The following KCTD3 variants were observed in gnomAD, a reference collection of about 807,000 sequenced individuals.
The protein encoded by KCTD3 is BTB/POZ domain-containing protein KCTD3.
In KCTD3, 41 loss-of-function variants were observed where a neutral mutation model predicts 85.8. That is an observed-to-expected ratio of 0.48 (90% CI 0.37 to 0.62). KCTD3 has a LOEUF of 0.62. KCTD3 is among the 20% of genes least tolerant of loss of function. The pLI, the probability that KCTD3 is intolerant of heterozygous loss-of-function variation, is 0.00. For synonymous variants in KCTD3, 338 were observed against 345.4 expected (o/e 0.98, Z 0.24); for missense variants, 724 against 989.9 (o/e 0.73, Z 3.60).
chr1:215,581,446 T>C (rs1371618764), intron 8 of KCTD3, among the ~76,000 whole-genome samples: 1 of 152,166 alleles, frequency 6.6e-6, no homozygotes, highest in Non-Finnish European at 1.5e-5. Flanking sequence ...AGGTGACTTG[T>C]AGACCCTTGT....
In KCTD3 at chr1:215,575,983, TG is replaced by T. The variant is rs1659558951; in HGVS notation, c.257+10del. ...AAAGAACTAGACTTAAGGTAAGAAA[TG>T]CACTCTTTTTAAAGTAAATTCTTAC... On this transcript the variant is annotated intron_variant, in intron 4 of 17. Transcript: ENST00000259154. 7.4e-7 allele frequency: 1 copy of T among 1,358,308 alleles called. No individual in the cohort carries two copies. Among genetic ancestry groups the T allele is most frequent in the Non-Finnish European group, 1.0e-6 (1 of 972,478 alleles). 84.1% of individuals were successfully genotyped at this position (1,358,308 alleles called of 1,614,324 possible).
chr1:215,585,521 G>T (rs1659976348), intron 8 of KCTD3, among the ~76,000 whole-genome samples: 1 of 152,170 alleles, frequency 6.6e-6, no homozygotes, highest in African/African-American at 2.4e-5. Flanking sequence ...ATGTCAGGTA[G>T]TGTGCAAAAG....
chr1:215,594,835 C>G (rs1219697214), intron 9 of KCTD3, among the ~76,000 whole-genome samples: 1 of 152,062 alleles, frequency 6.6e-6, no homozygotes, highest in East Asian at 1.9e-4. Context: ...TATCATGTGA[C>G]TTCTTGCTGC....
chr1:215,612,227 A>G (rs530585007), intron 15 of KCTD3, among the ~76,000 whole-genome samples: 1 of 152,342 alleles, frequency 6.6e-6, no homozygotes, highest in East Asian at 1.9e-4. Context: ...AACAGTTTCT[A>G]TCTTTAAAAA....
intron 9 of KCTD3, among the ~76,000 whole-genome samples, chr1:215,591,613 C>T (rs1039427725): frequency 1.3e-5 from 2 of 152,236 alleles, no homozygotes; most frequent in African/African-American, 2.4e-5. Context: ...CCTCAGCCTC[C>T]GAAGTGCTGG....
At chr1:215,571,223 G>A (rs1431037328) in intron 1 of KCTD3, among the ~76,000 whole-genome samples, 1 of 152,244 alleles carries the variant, frequency 6.6e-6, no homozygotes, top group Admixed American at 6.5e-5. Context: ...CAGTGAATCT[G>A]CAATGTATGA....
intron 9 of KCTD3, among the ~76,000 whole-genome samples, chr1:215,593,347 T>A (rs1193906305): frequency 6.6e-6 from 1 of 152,210 alleles, no homozygotes; most frequent in Non-Finnish European, 1.5e-5. Context: ...TAATTAAAAA[T>A]GTTTATATAG....
chr1:215,582,775 T>C (rs2102565086), intron 8 of KCTD3, among the ~76,000 whole-genome samples: 1 of 152,266 alleles, frequency 6.6e-6, no homozygotes, highest in South Asian at 2.1e-4. Flanking sequence ...TTGGCCAGAC[T>C]GTTTTCAAAC....
intron 10 of KCTD3, among the ~76,000 whole-genome samples, 186 bp from the exon 11 acceptor site, chr1:215,601,678 TCTC>T (rs1320971534): frequency 6.6e-6 from 1 of 152,152 alleles, no homozygotes; most frequent in Non-Finnish European, 1.5e-5. Context: ...TATTGATGGT[TCTC>T]CTCTGTAGCA....
At chr1:215,573,885 C>G (rs1353478066) in intron 2 of KCTD3, 46 bp downstream of exon 2, 17 of 1,191,266 alleles carry the variant, frequency 1.4e-5, no homozygotes, top group Non-Finnish European at 2.0e-5. Context: ...CATTTATTTA[C>G]CAAAATATAA....
intron 9 of KCTD3, among the ~76,000 whole-genome samples, chr1:215,592,929 T>A (rs961617330): frequency 2.6e-5 from 4 of 152,304 alleles, no homozygotes; most frequent in African/African-American, 7.2e-5. Context: ...TTGTTTAGCC[T>A]AAGCAGGAGT....
At chr1:215,605,884 C>A (rs1420517317) in intron 13 of KCTD3, among the ~76,000 whole-genome samples, 2 of 152,122 alleles carry the variant, frequency 1.3e-5, no homozygotes, top group African/African-American at 4.8e-5. Context: ...CATCCTTTCT[C>A]CCCTAGATGA....
chr1:215,614,847 T>G lies in KCTD3; in HGVS notation c.1562+2926T>G, dbSNP rs78940073. Among the ~76,000 whole-genome samples, 942 of 152,338 alleles carry G rather than the reference T, an allele frequency of 6.2e-3. 24 individuals carry two copies. The South Asian group carries it at 0.074, about 12-fold the overall frequency. On this transcript the variant is annotated intron_variant, in intron 15 of 17. Coordinates refer to ENST00000259154, the MANE Select transcript of KCTD3 (RefSeq NM_016121.5). ...GTTAATATTTTGATGAATAAATTCT[T>G]TGAGATGAATTTTTTACATCAAAGT...
At position 215,620,180 on chromosome 1, in the gene KCTD3, CT is replaced by C. The variant is rs1408303401; in HGVS notation, c.2012del (p.Phe671SerfsTer6). The C allele has an allele frequency of 6.2e-7, 1 of 1,613,822 alleles. No individual in the cohort carries two copies. The highest frequency in any genetic ancestry group is 8.5e-7 in the Non-Finnish European group (1 of 1,179,812). On this transcript the variant is annotated frameshift_variant, in exon 18 of 18. Coordinates refer to ENST00000259154, the MANE Select transcript of KCTD3 (RefSeq NM_016121.5). LOFTEE classifies it low-confidence loss of function (END_TRUNC). ...RTESFHSYRD[F>X]QTINLNRNVE... Reference sequence around the variant, plus strand: ...CTGAGAGCTTTCACAGTTATAGGGACTTCCAGACTATTAATTTGAACAGAAA... The same window carrying C: ...CTGAGAGCTTTCACAGTTATAGGGACTCCAGACTATTAATTTGAACAGAAA...
chr1:215,578,145 G>T (rs1659660019), intron 6 of KCTD3, 64 bp downstream of exon 6: 2 of 1,353,702 alleles, frequency 1.5e-6, no homozygotes, highest in Non-Finnish European at 2.1e-6. Context: ...ACAAGCATAT[G>T]AATAGGAAAA....
chr1:215,576,095 C>G (rs897745153), intron 4 of KCTD3, 121 bp downstream of exon 4: 2 of 626,230 alleles, frequency 3.2e-6, no homozygotes, highest in Admixed American at 3.4e-5. Flanking sequence ...CAGTCTTGCT[C>G]TGTTGCCCAG....
At chr1:215,604,947 A>G (rs1654959428) in intron 13 of KCTD3, among the ~76,000 whole-genome samples, 1 of 152,086 alleles carries the variant, frequency 6.6e-6, no homozygotes, top group Non-Finnish European at 1.5e-5. Flanking sequence ...AATTGGATAC[A>G]TAAAAAATTA....
chr1:215,610,107 C>T (rs1369328948), intron 14 of KCTD3, among the ~76,000 whole-genome samples: 3 of 151,790 alleles, frequency 2.0e-5, no homozygotes, highest in African/African-American at 7.2e-5. Flanking sequence ...ATATATATAT[C>T]TTCATAGACA....
intron 13 of KCTD3, among the ~76,000 whole-genome samples, chr1:215,607,347 A>G (rs1655068187): frequency 6.6e-6 from 1 of 151,978 alleles, no homozygotes; most frequent in Admixed American, 6.6e-5. Context: ...TATGGTGTAT[A>G]TTTTCAAATA....
Sources: gnomAD v4.1 joint callset for allele counts (sites outside exome capture counted in the v4.1 genomes callset) on GRCh38, gnomAD v4.1.1 for gene constraint, MANE v1.5 for transcripts, NCBI Gene and HGNC (gene_info 2026-07-23, HGNC 2026-07-21) for gene names.